ANKHD1: variants seen among roughly 807,000 people sequenced by gnomAD.
The protein encoded by ANKHD1 is ankyrin repeat and KH domain containing 1, also known as ankyrin repeat and KH domain-containing protein 1.
Under a neutral mutation model 230.5 loss-of-function variants are expected in ANKHD1, and 31 were observed. The ratio of observed to expected loss-of-function variants is 0.13; its 90% CI spans 0.10 to 0.18. The LOEUF (loss-of-function observed/expected upper bound fraction) is 0.18, where lower values mean the gene tolerates loss of function less well. Among genes scored for constraint, ANKHD1 ranks in the 10% least tolerant of loss-of-function variants. The probability of loss-of-function intolerance (pLI) is 1.00; values close to 1 mark genes in which losing one functional copy is unlikely to be tolerated. For missense variants in ANKHD1, 2,256 were observed against 3,071.3 expected (o/e 0.73, Z 6.27); for synonymous variants, 1,074 against 1,117.6 (o/e 0.96, Z 0.78).
At chr5:140,500,677 A>AAAGAG (rs1752257351) in intron 15 of ANKHD1, among the ~76,000 whole-genome samples, 2 of 151,524 alleles carry the variant, frequency 1.3e-5, no homozygotes, top group Non-Finnish European at 2.9e-5. Flanking sequence ...AAAGAAAAGA[A>AAAGAG]AAACTGAAGC....
At chr5:140,435,928 T>C (rs141239273) in intron 1 of ANKHD1, among the ~76,000 whole-genome samples, 176 bp from the exon 2 acceptor site, 12 of 152,350 alleles carry the variant, frequency 7.9e-5, no homozygotes, top group Non-Finnish European at 1.2e-4. Flanking sequence ...TAGTCATGTC[T>C]GAAGGTAAAC....
chr5:140,483,704 C>T (rs1048847349), intron 11 of ANKHD1, among the ~76,000 whole-genome samples: 6 of 151,866 alleles, frequency 4.0e-5, no homozygotes, highest in South Asian at 4.1e-4. Flanking sequence ...GTGATCTGCC[C>T]GCCTCGGCCT....
intron 2 of ANKHD1, among the ~76,000 whole-genome samples, chr5:140,436,883 G>A (rs1050686106): frequency 4.6e-5 from 7 of 152,134 alleles, no homozygotes; most frequent in Non-Finnish European, 2.9e-5. Flanking sequence ...GGAGCTGCAT[G>A]TTGATTACTT....
intron 25 of ANKHD1, 142 bp downstream of exon 25, chr5:140,524,382 A>G: frequency 7.4e-7 from 1 of 1,352,544 alleles, no homozygotes; most frequent in Non-Finnish European, 9.6e-7. Flanking sequence ...TTTATAGTAA[A>G]TATTTGTAAG....
intron 10 of ANKHD1, among the ~76,000 whole-genome samples, chr5:140,466,286 G>A (rs549101604): frequency 3.5e-4 from 53 of 152,174 alleles, no homozygotes; most frequent in African/African-American, 1.2e-3. Context: ...AGCTACTTGG[G>A]AGGCTGAGGC....
intron 10 of ANKHD1, among the ~76,000 whole-genome samples, chr5:140,478,061 A>G (rs1751063315): frequency 6.6e-6 from 1 of 152,192 alleles, no homozygotes; most frequent in African/African-American, 2.4e-5. Context: ...CTGTATATCA[A>G]CATATTAAAG....
At chr5:140,409,878 T>A (rs541376739) in intron 1 of ANKHD1, among the ~76,000 whole-genome samples, 9 of 152,224 alleles carry the variant, frequency 5.9e-5, no homozygotes, top group Admixed American at 5.9e-4. Context: ...TGCACAAATA[T>A]CAACCTTTCA....
intron 20 of ANKHD1, 40 bp from the exon 21 acceptor site, chr5:140,509,597 A>T (rs767131840): frequency 2.7e-6 from 4 of 1,467,214 alleles, no homozygotes; most frequent in Non-Finnish European, 3.6e-6. Flanking sequence ...AGTTAAAAAA[A>T]GAAATGTAAC....
At chr5:140,524,809 A>G (rs1474066047) in intron 25 of ANKHD1, 1 of 155,710 alleles carries the variant, frequency 6.4e-6, no homozygotes, top group African/African-American at 2.4e-5. Context: ...AATTAAGAAT[A>G]TTAAGAATAT....
chr5:140,505,356 G>A, intron 17 of ANKHD1, 123 bp downstream of exon 17: 1 of 1,131,576 alleles, frequency 8.8e-7, no homozygotes, highest in Non-Finnish European at 1.2e-6. Context: ...ATTTCAGTTA[G>A]GAATATCTGG....
chr5:140,497,190 T>G lies in ANKHD1; in HGVS notation c.2916T>G (p.Asp972Glu). ...GQPQIAITGH[D>E]QGLLVQEPDG... Reference sequence around the variant, plus strand: ...CTCAGATTGCTATTACTGGACATGATCAGGGGCTGTTAGTTCAAGAACCAG... The same window carrying G: ...CTCAGATTGCTATTACTGGACATGAGCAGGGGCTGTTAGTTCAAGAACCAG... Residue 972 changes from aspartate to glutamate, a missense_variant, in exon 15 of 34, where the codon GAT (aspartate) becomes GAG (glutamate). Around this residue, in one of 13 missense-constraint regions of ANKHD1, gnomAD observed 358 missense variants for 397.7 expected, o/e 0.90. Transcript: ENST00000360839. 5 of 1,613,322 alleles carry G rather than the reference T, an allele frequency of 3.1e-6. No individual in the cohort carries two copies. Among genetic ancestry groups the G allele is most frequent in the Non-Finnish European group, 4.2e-6 (5 of 1,180,006 alleles).
At position 140,436,084 on chromosome 5, in the gene ANKHD1, C is replaced by A. The variant is rs759283638; in HGVS notation, c.307-20C>A. 4 of 1,512,752 alleles carry A rather than the reference C, an allele frequency of 2.6e-6. No individual in the cohort carries two copies. The South Asian group carries it at 5.3e-5, about 20-fold the overall frequency. 93.7% of individuals were successfully genotyped at this position (1,512,752 alleles called of 1,614,324 possible). A position where few individuals can be genotyped will look rare whatever the true frequency, so the allele number is the denominator to read the frequency against. ...ATTGATATCAGTTTCATGGATATTG[C>A]ATCTTTATTTCATTAACAGGTTGAA... On this transcript the variant is annotated intron_variant, in intron 1 of 33. Coordinates refer to ENST00000360839, the MANE Select transcript of ANKHD1 (RefSeq NM_017747.3).
chr5:140,402,743 G>C (rs1770068485), intron 1 of ANKHD1, among the ~76,000 whole-genome samples: 1 of 152,128 alleles, frequency 6.6e-6, no homozygotes, highest in Admixed American at 6.6e-5. Flanking sequence ...GTGTGCTTAA[G>C]GACGGTTCTT....
intron 10 of ANKHD1, among the ~76,000 whole-genome samples, chr5:140,476,847 A>T (rs865936559): frequency 6.6e-6 from 1 of 151,996 alleles, no homozygotes; most frequent in Non-Finnish European, 1.5e-5. Context: ...AAGTAGTACT[A>T]AAATTCTAGA....
intron 1 of ANKHD1, among the ~76,000 whole-genome samples, chr5:140,418,918 A>G (rs557735472): frequency 1.3e-5 from 2 of 151,824 alleles, no homozygotes; most frequent in Admixed American, 6.6e-5. Context: ...TTTAGTAGAG[A>G]TAGGGTTTCA....
intron 1 of ANKHD1, among the ~76,000 whole-genome samples, chr5:140,430,207 G>A (rs1005999702): frequency 2.6e-5 from 4 of 152,060 alleles, no homozygotes; most frequent in Admixed American, 2.0e-4. Context: ...GAGATATAAG[G>A]GAAAAACAGG....
At chr5:140,422,636 C>T (rs1394157406) in intron 1 of ANKHD1, among the ~76,000 whole-genome samples, 1 of 151,038 alleles carries the variant, frequency 6.6e-6, no homozygotes, top group Non-Finnish European at 1.5e-5. Flanking sequence ...GGTGAAACCC[C>T]GTCTCTACTA....
chr5:140,403,286 C>T (rs1047160234), intron 1 of ANKHD1, among the ~76,000 whole-genome samples: 4 of 152,102 alleles, frequency 2.6e-5, no homozygotes, highest in Admixed American at 2.6e-4. Context: ...TTCACTCTGC[C>T]TTTGCAGTGA....
chr5:140,430,620 C>G (rs757851247), intron 1 of ANKHD1, among the ~76,000 whole-genome samples: 2 of 149,454 alleles, frequency 1.3e-5, no homozygotes, highest in African/African-American at 2.5e-5. Context: ...TCATATTTAA[C>G]ATATCTCCAC....
Sources: gnomAD v4.1 joint callset for allele counts (sites outside exome capture counted in the v4.1 genomes callset) on GRCh38, gnomAD v4.1.1 for gene constraint, gnomAD v4.1.1 regional missense constraint, MANE v1.5 for transcripts, NCBI Gene and HGNC (gene_info 2026-07-23, HGNC 2026-07-21) for gene names.